LRP1B: variants seen among roughly 807,000 people sequenced by gnomAD.
LRP1B encodes low-density lipoprotein receptor-related protein 1B.
Under a neutral mutation model 556.6 loss-of-function variants are expected in LRP1B, and 217 were observed. The observed-to-expected ratio is 0.39, with a 90% confidence interval of 0.35 to 0.44. The LOEUF is 0.44. Ranked by LOEUF, LRP1B falls within the 20% of genes least tolerant of loss-of-function variation. The pLI, the probability that LRP1B is intolerant of heterozygous loss-of-function variation, is 1.00. For missense variants in LRP1B, 5,053 were observed against 5,620.8 expected, an observed-to-expected ratio of 0.90 and a Z score of 3.23; for synonymous variants, 2,047 against 1,865.8, an observed-to-expected ratio of 1.10 and a Z score of -2.50.
chr2:140,328,339 C>A (rs1680603948), intron 79 of LRP1B, among the ~76,000 whole-genome samples: 1 of 151,714 alleles, frequency 6.6e-6, no homozygotes, highest in Non-Finnish European at 1.5e-5. Context: ...ATTATGTAGT[C>A]ATTTTCAGTA....
chr2:141,391,013 C>T (rs1260781497), intron 3 of LRP1B, among the ~76,000 whole-genome samples: 1 of 151,908 alleles, frequency 6.6e-6, no homozygotes, highest in Non-Finnish European at 1.5e-5. Context: ...AGGAGAAATC[C>T]TTAAGGAAAT....
At chr2:140,942,511 A>G (rs1284669310) in intron 20 of LRP1B, among the ~76,000 whole-genome samples, 11 of 152,144 alleles carry the variant, frequency 7.2e-5, no homozygotes, top group Admixed American at 7.2e-4. Flanking sequence ...GGTCGGCATG[A>G]AAGAAAACAT....
rs188273176 is a variant in LRP1B at position 141,624,920 on chromosome 2, C to A, written c.206-144387G>T. Among the ~76,000 whole-genome samples the A allele has an allele frequency of 4.9e-3, 750 of 152,202 alleles. 7 individuals carry two copies. The highest frequency in any genetic ancestry group is 8.6e-3 in the Non-Finnish European group (588 of 67,996). ...AAGTAGCTGGGACTACAGGCGCCCG[C>A]CACCACGCCCGGCTAATTTTTTGTA... On this transcript the variant is annotated intron_variant, in intron 2 of 90. Coordinates refer to ENST00000389484, the MANE Select transcript of LRP1B (RefSeq NM_018557.3).
At chr2:141,241,099 C>T (rs1683854121) in intron 5 of LRP1B, among the ~76,000 whole-genome samples, 1 of 151,984 alleles carries the variant, frequency 6.6e-6, no homozygotes, top group Admixed American at 6.6e-5. Flanking sequence ...TACTCATTAA[C>T]AGTGTTTGGA....
chr2:140,686,252 G>C (rs1686049115), intron 41 of LRP1B, among the ~76,000 whole-genome samples: 1 of 152,068 alleles, frequency 6.6e-6, no homozygotes, highest in African/African-American at 2.4e-5. Context: ...GGAGGTAAAT[G>C]CTTTACAATT....
chr2:140,488,649 G>A (rs1479482608), intron 57 of LRP1B, among the ~76,000 whole-genome samples: 1 of 151,914 alleles, frequency 6.6e-6, no homozygotes, highest in Non-Finnish European at 1.5e-5. Context: ...ACTACCTTAA[G>A]GACTGAGTAA....
intron 2 of LRP1B, among the ~76,000 whole-genome samples, chr2:141,553,308 T>A (rs1685822510): frequency 6.6e-6 from 1 of 151,950 alleles, no homozygotes; most frequent in Non-Finnish European, 1.5e-5. Flanking sequence ...AATAAAACCT[T>A]GAGACTGGCT....
At chr2:140,435,522 G>A (rs1686136632) in intron 66 of LRP1B, among the ~76,000 whole-genome samples, 1 of 151,930 alleles carries the variant, frequency 6.6e-6, no homozygotes. Context: ...TCCCCACTGG[G>A]CAAAAAGCTA....
chr2:141,637,722 A>G (rs1689155490), intron 2 of LRP1B, among the ~76,000 whole-genome samples: 1 of 152,192 alleles, frequency 6.6e-6, no homozygotes, highest in Non-Finnish European at 1.5e-5. Context: ...AATACCAGGT[A>G]CATGCTTACG....
At chr2:141,207,194 C>A (rs1158739195) in intron 6 of LRP1B, among the ~76,000 whole-genome samples, 2 of 152,196 alleles carry the variant, frequency 1.3e-5, no homozygotes, top group African/African-American at 4.8e-5. Flanking sequence ...TATTAAACCA[C>A]TTCCTGATTT....
chr2:140,358,245 TCA>T, intron 73 of LRP1B, 129 bp from the exon 74 acceptor site: 2 of 793,640 alleles, frequency 2.5e-6, no homozygotes, highest in Non-Finnish European at 3.8e-6. Flanking sequence ...TCTGAAGCTC[TCA>T]AGGCCAAATT....
intron 3 of LRP1B, among the ~76,000 whole-genome samples, chr2:141,366,890 A>G (rs1347654791): frequency 6.6e-6 from 1 of 152,200 alleles, no homozygotes; most frequent in Non-Finnish European, 1.5e-5. Context: ...GTATCCCATT[A>G]CAACACACAT....
chr2:141,757,753 T>C (rs906645), intron 2 of LRP1B, among the ~76,000 whole-genome samples: 64,583 of 151,760 alleles, frequency 0.43, 14,008 homozygotes, highest in East Asian at 0.54. Flanking sequence ...CCCAGGCTGA[T>C]CTCATACTCC....
intron 3 of LRP1B, among the ~76,000 whole-genome samples, chr2:141,472,495 G>A (rs1364973921): frequency 6.6e-6 from 1 of 152,074 alleles, no homozygotes; most frequent in Non-Finnish European, 1.5e-5. Flanking sequence ...AGCTGAAATT[G>A]TACCAGTGCA....
At chr2:141,570,140 AC>A (rs1686475749) in intron 2 of LRP1B, among the ~76,000 whole-genome samples, 1 of 81,630 alleles carries the variant, frequency 1.2e-5, no homozygotes, top group East Asian at 7.1e-4. Flanking sequence ...CCATGGGAAA[AC>A]AAAACAAAAC....
chr2:140,526,105 G>A (rs940982130), intron 48 of LRP1B, 112 bp from the exon 49 acceptor site: 20 of 1,339,806 alleles, frequency 1.5e-5, no homozygotes, highest in South Asian at 5.2e-5. Flanking sequence ...AAATAGATAC[G>A]TAATTATCCC....
intron 57 of LRP1B, 100 bp from the exon 58 acceptor site, chr2:140,487,839 A>G (rs980176663): frequency 2.6e-5 from 18 of 696,738 alleles, no homozygotes; most frequent in Non-Finnish European, 3.9e-5. Flanking sequence ...TTGAAACTAA[A>G]TAGTTCTATT....
At chr2:142,072,358 C>T (rs570076863) in intron 1 of LRP1B, among the ~76,000 whole-genome samples, 29 of 151,972 alleles carry the variant, frequency 1.9e-4, no homozygotes, top group Middle Eastern at 3.2e-3. Flanking sequence ...TATATCTCAA[C>T]TCCTTAATTT....
chr2:141,117,525 G>A (rs1700936813), intron 7 of LRP1B, among the ~76,000 whole-genome samples: 1 of 151,966 alleles, frequency 6.6e-6, no homozygotes. Flanking sequence ...ATCACAGATA[G>A]ACCCTATCAC....
Sources: allele counts gnomAD v4.1 joint callset (sites outside exome capture counted in the v4.1 genomes callset), GRCh38; gene constraint gnomAD v4.1.1; transcripts MANE v1.5; gene names NCBI Gene and HGNC (gene_info 2026-07-23, HGNC 2026-07-21).